SYMPK: variants seen among roughly 807,000 people sequenced by gnomAD.
SYMPK encodes the protein symplekin scaffold protein.
Under a neutral mutation model 136.4 loss-of-function variants are expected in SYMPK, and 49 were observed. The ratio of observed to expected loss-of-function variants is 0.36; its 90% CI spans 0.29 to 0.46. SYMPK has a LOEUF of 0.46. Ranked by LOEUF, SYMPK falls within the 20% of genes least tolerant of loss-of-function variation. The probability of loss-of-function intolerance (pLI) is 1.00; values close to 1 mark genes in which losing one functional copy is unlikely to be tolerated. For missense variants in SYMPK, 1,365 were observed against 1,690.0 expected, an observed-to-expected ratio of 0.81 and a Z score of 3.37; for synonymous variants, 766 against 713.0, an observed-to-expected ratio of 1.07 and a Z score of -1.19.
At position 45,823,358 on chromosome 19, in the gene SYMPK, C is replaced by T. The variant is rs746134544; in HGVS notation, c.2700+14G>A. ...TCCCAGGTAGCAGGGACAAACAGGCCTCCAGCTCCATACCTTCTCCAGCCC... is the reference window on the plus strand; with the variant it reads ...TCCCAGGTAGCAGGGACAAACAGGCTTCCAGCTCCATACCTTCTCCAGCCC... On this transcript the variant is annotated intron_variant, in intron 20 of 26. Coordinates refer to ENST00000245934, the MANE Select transcript of SYMPK (RefSeq NM_004819.3). 1.9e-6 allele frequency: 3 copies of T among 1,613,544 alleles called. No homozygotes were observed. In the South Asian group the frequency reaches 3.3e-5, roughly 18 times the overall value.
chr19:45,831,172 T>A (rs1971161435), intron 12 of SYMPK: 1 of 223,396 alleles, frequency 4.5e-6, no homozygotes, highest in East Asian at 6.7e-5. Flanking sequence ...AAAAAGGATT[T>A]TTTTTTTTTT....
At chr19:45,823,685 C>T (rs1462856329) in intron 19 of SYMPK, 82 bp downstream of exon 19, 14 of 1,265,330 alleles carry the variant, frequency 1.1e-5, no homozygotes, top group African/African-American at 5.9e-5. Flanking sequence ...CATCTGGGGA[C>T]CCAGCAGCTC....
chr19:45,839,541 C>T (rs1019444965), intron 9 of SYMPK, among the ~76,000 whole-genome samples: 1 of 152,170 alleles, frequency 6.6e-6, no homozygotes, highest in African/African-American at 2.4e-5. Context: ...ACAATCATCA[C>T]TGGATGTTAA....
chr19:45,848,553 A>G (rs1373883684), intron 6 of SYMPK, among the ~76,000 whole-genome samples, 197 bp downstream of exon 6: 1 of 152,216 alleles, frequency 6.6e-6, no homozygotes, highest in African/African-American at 2.4e-5. Context: ...CGGATGGTCA[A>G]TGGAAGGAAT....
Position 45,815,685 on chromosome 19 carries a change from C to T in SYMPK, c.3700G>A (p.Gly1234Ser), listed in dbSNP as rs748866700. The T allele has an allele frequency of 3.1e-6, 5 of 1,609,668 alleles. No homozygotes were observed. Among genetic ancestry groups the T allele is most frequent in the Non-Finnish European group, 4.2e-6 (5 of 1,178,752 alleles). The change falls in exon 27 of 27, where the codon GGC becomes AGC. Residue 1234 changes from glycine (G) to serine (S), a missense_variant. This residue lies in a region of SYMPK where 341 missense variants were observed against 270.5 expected (regional missense o/e 1.26). Transcript: ENST00000245934. ...CGCTCCTCCTTCAAGGTCAGCCCGCCCGCTGCCGTCTCCTGGTGACCGGGG... is the reference window on the plus strand; with the variant it reads ...CGCTCCTCCTTCAAGGTCAGCCCGCTCGCTGCCGTCTCCTGGTGACCGGGG... ...EGPLPKETAA[G>S]GLTLKEERSP...
chr19:45,828,822 G>T (rs868199486), intron 14 of SYMPK, 148 bp downstream of exon 14: 2 of 728,890 alleles, frequency 2.7e-6, no homozygotes, highest in Non-Finnish European at 4.6e-6. Flanking sequence ...GCCTCCAGAG[G>T]GGGAGGAGGA....
intron 14 of SYMPK, chr19:45,828,398 T>C: frequency 5.5e-6 from 1 of 183,320 alleles, no homozygotes; most frequent in South Asian, 1.2e-4. Context: ...CCAATGTGGC[T>C]AATGTTCGGG....
intron 8 of SYMPK, 72 bp from the exon 9 acceptor site, chr19:45,842,561 C>G (rs978535672): frequency 1.3e-6 from 2 of 1,572,582 alleles, no homozygotes; most frequent in East Asian, 2.3e-5. Context: ...AATTCTCAAC[C>G]CCAAACTTGG....
intron 21 of SYMPK, 21 bp downstream of exon 21, chr19:45,822,735 G>C: frequency 6.2e-7 from 1 of 1,609,370 alleles, no homozygotes; most frequent in Non-Finnish European, 8.5e-7. Flanking sequence ...CTCTTGGTGG[G>C]GATGAGGCTG....
chr19:45,827,414 A>G, intron 16 of SYMPK, 96 bp downstream of exon 16: 1 of 801,442 alleles, frequency 1.2e-6, no homozygotes, highest in East Asian at 2.6e-5. Context: ...AGAAACTTGC[A>G]AGGGAGTGTG....
intron 11 of SYMPK, among the ~76,000 whole-genome samples, chr19:45,834,352 G>T (rs776101928): frequency 2.0e-4 from 31 of 152,108 alleles, no homozygotes; most frequent in East Asian, 1.4e-3. Context: ...CCAGCTACTC[G>T]GGAGGCTGAG....
chr19:45,822,367 C>T (rs1429281135), intron 21 of SYMPK, among the ~76,000 whole-genome samples: 4 of 152,062 alleles, frequency 2.6e-5, no homozygotes, highest in African/African-American at 7.2e-5. Flanking sequence ...ATCCGCCCGC[C>T]TCGCCTCAAG....
At chr19:45,856,046 G>A (rs1971814461) in intron 1 of SYMPK, among the ~76,000 whole-genome samples, 1 of 151,910 alleles carries the variant, frequency 6.6e-6, no homozygotes, top group Non-Finnish European at 1.5e-5. Flanking sequence ...AACCAGCAGA[G>A]GAAACAGGGT....
rs769451270 is a variant in SYMPK, at chr19:45,815,612, G to A, written c.3773C>T (p.Pro1258Leu). The A allele has an allele frequency of 2.5e-6, 4 of 1,609,168 alleles. No homozygotes were observed. Among genetic ancestry groups the A allele is most frequent in the Non-Finnish European group, 3.4e-6 (4 of 1,178,484 alleles). ...CCTGGCGTCCTCGGCAGCCGGGCTG[G>A]GAGTCTTCATAGCATCTTCTCCAAC... ...APVGEDAMKT[P>L]SPAAEDAREP... The change falls in exon 27 of 27, where the codon CCC becomes CTC. Residue 1258 changes from proline (P) to leucine (L), a missense_variant. By Grantham distance (98) the Pro-to-Leu change is moderately conservative. Transcript: ENST00000245934.
intron 1 of SYMPK, chr19:45,855,534 CAT>C (rs948630387): frequency 2.0e-5 from 3 of 151,502 alleles, no homozygotes; most frequent in African/African-American, 4.9e-5. Flanking sequence ...AAGTGAAAAA[CAT>C]ATAAATATAA....
At chr19:45,851,744 C>A (rs1971700387) in intron 5 of SYMPK, among the ~76,000 whole-genome samples, 1 of 152,042 alleles carries the variant, frequency 6.6e-6, no homozygotes, top group African/African-American at 2.4e-5. Flanking sequence ...TGTGGTGGCG[C>A]ATGCCTGTAA....
chr19:45,848,116 T>C (rs1845783379), intron 6 of SYMPK, 115 bp from the exon 7 acceptor site: 1 of 1,279,430 alleles, frequency 7.8e-7, no homozygotes, highest in Non-Finnish European at 1.1e-6. Context: ...ATACATTCAT[T>C]TGGTTAACAG....
chr19:45,816,850 G>A lies in SYMPK; in HGVS notation c.3206C>T (p.Pro1069Leu). 6.5e-7 allele frequency: 1 copy of A among 1,549,174 alleles called. No homozygotes were observed. Among genetic ancestry groups the A allele is most frequent in the Non-Finnish European group, 8.7e-7 (1 of 1,146,498 alleles). Residue 1069 changes from proline (P) to leucine (L), a missense_variant, in exon 24 of 27, where the codon CCA becomes CTA. Around this residue, in one of 11 missense-constraint regions of SYMPK, gnomAD observed 156 missense variants for 217.8 expected, o/e 0.72. Coordinates refer to ENST00000245934, the MANE Select transcript of SYMPK (RefSeq NM_004819.3). ...QQLGAVFDKC[P>L]ELREPLLAHV... is the part of the protein sequence containing the mutation. ...GGCCAGCAGGGGCTCCCGGAGCTCTGGGCACTTGTCAAAGACGGCTCCCAG... is the reference window on the plus strand; with the variant it reads ...GGCCAGCAGGGGCTCCCGGAGCTCTAGGCACTTGTCAAAGACGGCTCCCAG...
At chr19:45,816,371 AG>A in intron 25 of SYMPK, 110 bp downstream of exon 25, 1 of 1,399,188 alleles carries the variant, frequency 7.1e-7, no homozygotes, top group Non-Finnish European at 9.5e-7. Context: ...GCCCAGAGGC[AG>A]GGGTGGCCTG....
Sources: allele counts gnomAD v4.1 joint callset (sites outside exome capture counted in the v4.1 genomes callset), GRCh38; gene constraint gnomAD v4.1.1; regional missense constraint gnomAD v4.1.1; transcripts MANE v1.5; gene names NCBI Gene and HGNC (gene_info 2026-07-23, HGNC 2026-07-21).